The following RGS5 variants were observed in gnomAD, a reference collection of about 807,000 sequenced individuals.
RGS5 encodes the protein regulator of G protein signaling 5.
A neutral mutation model predicts 18.9 loss-of-function variants in RGS5; 20 were observed. The observed-to-expected ratio is 1.06, with a 90% confidence interval of 0.74 to 1.54. The LOEUF (loss-of-function observed/expected upper bound fraction) is 1.54. Ranked by LOEUF, RGS5 falls within the 40% of genes most tolerant of loss-of-function variation. RGS5 has a pLI of 0.00. For missense variants in RGS5, 201 were observed against 211.8 expected, an observed-to-expected ratio of 0.95 and a Z score of 0.32; for synonymous variants, 57 against 76.2, an observed-to-expected ratio of 0.75 and a Z score of 1.31.
chr1:163,161,774 C>G (rs548534735), intron 3 of RGS5, 141 bp downstream of exon 3: 5 of 613,116 alleles, frequency 8.2e-6, no homozygotes, highest in African/African-American at 1.8e-5. Context: ...ATACCTGCAG[C>G]CCCCTTCCCT....
At chr1:163,315,211 A>G (rs1433175699) in intron 1 of RGS5, among the ~76,000 whole-genome samples, 1 of 132,338 alleles carries the variant, frequency 7.6e-6, no homozygotes, top group Non-Finnish European at 1.7e-5. Flanking sequence ...GAAATAACTG[A>G]AAAATAGCAC....
At chr1:163,289,949 AG>A in intron 2 of RGS5, among the ~76,000 whole-genome samples, 1 of 152,350 alleles carries the variant, frequency 6.6e-6, no homozygotes, top group Non-Finnish European at 1.5e-5. Context: ...CTATGCCAAT[AG>A]AAAAGGGATA....
At chr1:163,178,899 G>C (rs1418907146) in intron 1 of RGS5, among the ~76,000 whole-genome samples, 1 of 152,138 alleles carries the variant, frequency 6.6e-6, no homozygotes, top group Admixed American at 6.5e-5. Context: ...ATGACCACCT[G>C]GATCTGTCCA....
At chr1:163,186,469 C>T (rs948957791) in intron 1 of RGS5, among the ~76,000 whole-genome samples, 13 of 150,012 alleles carry the variant, frequency 8.7e-5, no homozygotes, top group East Asian at 2.0e-4. Context: ...GTCCTAGCTA[C>T]GCGGGAGGCT....
At chr1:163,264,085 G>A (rs1040800005) in intron 2 of RGS5, among the ~76,000 whole-genome samples, 1 of 151,994 alleles carries the variant, frequency 6.6e-6, no homozygotes, top group African/African-American at 2.4e-5. Flanking sequence ...TTGCCTCAGG[G>A]AAAGCACCCC....
intron 2 of RGS5, among the ~76,000 whole-genome samples, chr1:163,296,846 T>C (rs138117411): frequency 1.9e-3 from 296 of 152,268 alleles, no homozygotes; most frequent in African/African-American, 6.9e-3. Context: ...TGACATATTA[T>C]TTTGAATGAG....
intron 1 of RGS5, chr1:163,211,876 C>T (rs35792769): frequency 0.17 from 25,340 of 152,014 alleles, 2,172 homozygotes; most frequent in Non-Finnish European, 0.18. Context: ...AAAAGCTGTC[C>T]CTTTCCCTGG....
At chr1:163,255,291 T>C (rs553078681) in intron 2 of RGS5, among the ~76,000 whole-genome samples, 1 of 152,318 alleles carries the variant, frequency 6.6e-6, no homozygotes, top group African/African-American at 2.4e-5. Context: ...CATGGAATGT[T>C]CTTCCATTTG....
intron 1 of RGS5, among the ~76,000 whole-genome samples, chr1:163,213,793 C>G (rs1660160996): frequency 6.6e-6 from 1 of 152,126 alleles, no homozygotes. Flanking sequence ...CCCTGAATCT[C>G]CCTTCAGTTG....
intron 1 of RGS5, among the ~76,000 whole-genome samples, chr1:163,311,154 C>A (rs1649849303): frequency 6.6e-6 from 1 of 152,206 alleles, no homozygotes; most frequent in African/African-American, 2.4e-5. Flanking sequence ...TTTCCTTAAG[C>A]CTCACAAACC....
upstream of RGS5, among the ~76,000 whole-genome samples, chr1:163,218,427 TTAG>T (rs1412160714): frequency 4.6e-5 from 7 of 152,154 alleles, no homozygotes; most frequent in African/African-American, 1.7e-4. Flanking sequence ...TTTTTAAATT[TTAG>T]TAGATCCACT....
At chr1:163,177,264 T>G (rs1281873807) in intron 1 of RGS5, among the ~76,000 whole-genome samples, 4 of 152,192 alleles carry the variant, frequency 2.6e-5, no homozygotes, top group African/African-American at 7.2e-5. Flanking sequence ...ATCCAGACAT[T>G]GATGCTAAGA....
At chr1:163,234,480 G>T (rs983951756) in intron 2 of RGS5, among the ~76,000 whole-genome samples, 1 of 151,958 alleles carries the variant, frequency 6.6e-6, no homozygotes, top group Non-Finnish European at 1.5e-5. Flanking sequence ...TTTCTTATAA[G>T]AAATGTACTT....
chr1:163,160,265 A>G (rs1419772201), intron 3 of RGS5, among the ~76,000 whole-genome samples: 1 of 152,202 alleles, frequency 6.6e-6, no homozygotes, highest in Non-Finnish European at 1.5e-5. Flanking sequence ...TTTTTTGACA[A>G]TAGCAATAAA....
chr1:163,192,670 G>A lies in RGS5; in HGVS notation c.44+10122C>T, dbSNP rs75651434. The stretch of plus-strand genomic sequence containing the variant: ...AGGGTATATGTGTGTAAGTGTGTAT[G>A]CCTGCACATGCATGTGTGTGTTCAA... On this transcript the variant is annotated intron_variant, in intron 1 of 4. Coordinates refer to ENST00000313961, the MANE Select transcript of RGS5 (RefSeq NM_003617.4). Among the ~76,000 whole-genome samples the A allele has an allele frequency of 2.0e-3, 303 of 152,266 alleles. 2 individuals carry two copies. The highest frequency in any genetic ancestry group is 3.8e-3 in the Non-Finnish European group (257 of 68,016).
chr1:163,254,494 G>GGTT (rs1205060467), intron 2 of RGS5, among the ~76,000 whole-genome samples: 3 of 144,498 alleles, frequency 2.1e-5, no homozygotes. Flanking sequence ...TTTTTGATGG[G>GGTT]GTTGTTTTTT....
At chr1:163,215,661 A>G (rs990773034) in intron 1 of RGS5, among the ~76,000 whole-genome samples, 6 of 152,216 alleles carry the variant, frequency 3.9e-5, no homozygotes, top group African/African-American at 1.4e-4. Context: ...GAAAGCAAAC[A>G]TTAGAAAACA....
intron 2 of RGS5, among the ~76,000 whole-genome samples, chr1:163,245,349 C>T (rs1455762869): frequency 1.8e-5 from 2 of 111,452 alleles, no homozygotes; most frequent in African/African-American, 5.6e-5. Flanking sequence ...CCAGAATTAT[C>T]TTTTCCCCAT....
At chr1:163,231,716 C>T (rs981987693) in intron 2 of RGS5, among the ~76,000 whole-genome samples, 1 of 148,066 alleles carries the variant, frequency 6.8e-6, no homozygotes, top group East Asian at 2.0e-4. Flanking sequence ...ATTAGTCCTC[C>T]TTTATCTGGT....
Sources: gnomAD v4.1 joint callset for allele counts (sites outside exome capture counted in the v4.1 genomes callset) on GRCh38, gnomAD v4.1.1 for gene constraint, MANE v1.5 for transcripts, NCBI Gene and HGNC (gene_info 2026-07-23, HGNC 2026-07-21) for gene names.